The following OSBPL10 variants were observed in gnomAD, a reference collection of about 807,000 sequenced individuals.
The protein encoded by OSBPL10 is oxysterol-binding protein-related protein 10.
In OSBPL10, 49 loss-of-function variants were observed where a neutral mutation model predicts 81.7. The ratio of observed to expected loss-of-function variants is 0.60; its 90% CI spans 0.48 to 0.76. The LOEUF is 0.76. OSBPL10 is among the 30% of genes least tolerant of loss of function. OSBPL10 has a pLI of 0.00. For synonymous variants in OSBPL10, 419 were observed against 383.6 expected (o/e 1.09, Z -1.08); for missense variants, 923 against 987.8 (o/e 0.93, Z 0.88).
chr3:31,816,547 C>T (rs1274294062), intron 4 of OSBPL10, among the ~76,000 whole-genome samples: 2 of 152,162 alleles, frequency 1.3e-5, no homozygotes, highest in African/African-American at 2.4e-5. Flanking sequence ...CTTAGCTGGG[C>T]ACAGTGTCCA....
chr3:31,780,084 C>T (rs1270355347), intron 4 of OSBPL10, among the ~76,000 whole-genome samples: 1 of 151,992 alleles, frequency 6.6e-6, no homozygotes, highest in Non-Finnish European at 1.5e-5. Flanking sequence ...TGAGGTCAGG[C>T]AATCGAGACC....
At chr3:31,898,267 G>A (rs1412566151) in intron 1 of OSBPL10, among the ~76,000 whole-genome samples, 1 of 152,030 alleles carries the variant, frequency 6.6e-6, no homozygotes, top group Non-Finnish European at 1.5e-5. Context: ...ATAGCTAGGA[G>A]TAAATTTCAA....
At chr3:32,067,614 C>A in intron 1 of OSBPL10, among the ~76,000 whole-genome samples, 1 of 152,256 alleles carries the variant, frequency 6.6e-6, no homozygotes, top group East Asian at 1.9e-4. Flanking sequence ...GTTTCTGCCC[C>A]ACCCTAACTG....
intron 1 of OSBPL10, among the ~76,000 whole-genome samples, chr3:31,908,384 T>G (rs915091400): frequency 3.9e-5 from 6 of 152,178 alleles, no homozygotes; most frequent in African/African-American, 1.4e-4. Flanking sequence ...AGGCAGAGAT[T>G]TATGTGAGCA....
intron 8 of OSBPL10, among the ~76,000 whole-genome samples, chr3:31,673,607 G>A (rs1228400845): frequency 6.6e-6 from 1 of 152,116 alleles, no homozygotes; most frequent in Admixed American, 6.5e-5. Context: ...ATAGTCCACT[G>A]CCACCCTCCC....
Position 31,683,650 on chromosome 3 carries a change from G to C in OSBPL10, c.1710C>G (p.Val570=), listed in dbSNP as rs778256978. The C allele has an allele frequency of 6.2e-7, 1 of 1,611,358 alleles. No homozygotes were observed. The highest frequency in any genetic ancestry group is 2.2e-5 in the East Asian group (1 of 44,824). Residue 570 remains valine, a synonymous_variant, in exon 8 of 12, where the codon GTC becomes GTG. Transcript: ENST00000396556. ...ATGGCTTACCTTCCCCTATCATAGA[G>C]ACCCCCACGGACATGCCCATGAACT... ...KSKFMGMSVG[V]SMIGEGVLRL... is the part of the protein sequence containing the mutation.
At chr3:31,767,140 T>G (rs984961261) in intron 4 of OSBPL10, among the ~76,000 whole-genome samples, 2 of 152,200 alleles carry the variant, frequency 1.3e-5, no homozygotes, top group Non-Finnish European at 2.9e-5. Context: ...TTGTGGAAAT[T>G]AAAATTACCA....
chr3:31,998,305 T>G (rs971719455), intron 2 of OSBPL10, among the ~76,000 whole-genome samples: 1 of 152,116 alleles, frequency 6.6e-6, no homozygotes, highest in Non-Finnish European at 1.5e-5. Flanking sequence ...CAAAGTATAC[T>G]CCCCATCAGC....
At chr3:31,907,630 A>C in intron 1 of OSBPL10, among the ~76,000 whole-genome samples, 3 of 143,986 alleles carry the variant, frequency 2.1e-5, no homozygotes, top group African/African-American at 5.6e-5. Context: ...AAAAAAAAAA[A>C]AAAAAAAAAA....
At chr3:31,854,564 TAC>T (rs1052613251) in intron 3 of OSBPL10, among the ~76,000 whole-genome samples, 4 of 152,244 alleles carry the variant, frequency 2.6e-5, no homozygotes, top group African/African-American at 9.6e-5. Flanking sequence ...TATATAATTT[TAC>T]AGTTTTATAT....
At chr3:31,735,754 G>A (rs1346296345) in intron 5 of OSBPL10, among the ~76,000 whole-genome samples, 2 of 152,002 alleles carry the variant, frequency 1.3e-5, no homozygotes, top group African/African-American at 4.8e-5. Flanking sequence ...GAGACCTTCT[G>A]GGACCTCCCT....
chr3:31,860,110 G>C (rs1701022558), intron 3 of OSBPL10, among the ~76,000 whole-genome samples: 1 of 152,118 alleles, frequency 6.6e-6, no homozygotes, highest in African/African-American at 2.4e-5. Context: ...CTTACATGAA[G>C]TCTGAGTCAA....
In OSBPL10 at chr3:32,033,940, TA is replaced by T. The variant is rs573642563; in HGVS notation, n.298+12550del. On this transcript the variant is annotated intron_variant and non_coding_transcript_variant, in intron 2 of 3. Coordinates refer to the OSBPL10 transcript ENST00000479173. Reference sequence around the variant, plus strand: ...AAGAAATATCCAAGACTGGGTAATTTATAAAGGAAGAGGTTTAATTGACTCA... The same window carrying T: ...AAGAAATATCCAAGACTGGGTAATTTTAAAGGAAGAGGTTTAATTGACTCA... Among the ~76,000 whole-genome samples, 354 of 152,248 alleles carry T rather than the reference TA, an allele frequency of 2.3e-3. 5 individuals carry two copies. The highest frequency in any genetic ancestry group is 7.8e-3 in the African/African-American group (325 of 41,550).
chr3:32,000,937 G>A (rs993983486), intron 2 of OSBPL10, among the ~76,000 whole-genome samples: 2 of 152,300 alleles, frequency 1.3e-5, no homozygotes, highest in Non-Finnish European at 2.9e-5. Flanking sequence ...CTGGAATGAA[G>A]AAAAGACTGT....
rs772275259 is a variant in OSBPL10 at position 31,684,106 on chromosome 3, A to T, written c.1254T>A (p.Leu418=). The part of the protein sequence containing the change: ...KLGMDLTKVV[L]PTFILEKRSL... Reference sequence around the variant, plus strand: ...ATCGCTTCTCCAGGATAAAGGTGGGAAGCACCACCTGCATTTGGAAGGACA... The same window carrying T: ...ATCGCTTCTCCAGGATAAAGGTGGGTAGCACCACCTGCATTTGGAAGGACA... Residue 418 remains leucine, a synonymous_variant, in exon 8 of 12, where the codon CTT becomes CTA. Transcript: ENST00000396556. 6.2e-7 allele frequency: 1 copy of T among 1,612,496 alleles called. No individual in the cohort carries two copies. The highest frequency in any genetic ancestry group is 1.1e-5 in the South Asian group (1 of 91,060).
At chr3:32,042,854 A>G (rs529381536) in intron 2 of OSBPL10, among the ~76,000 whole-genome samples, 1 of 152,244 alleles carries the variant, frequency 6.6e-6, no homozygotes, top group African/African-American at 2.4e-5. Flanking sequence ...GGACAAAATC[A>G]GAAACTCCTG....
intron 2 of OSBPL10, among the ~76,000 whole-genome samples, chr3:31,996,562 A>G (rs898649398): frequency 6.6e-6 from 1 of 152,208 alleles, no homozygotes; most frequent in African/African-American, 2.4e-5. Flanking sequence ...TGACTTTCCC[A>G]AAGTTTAAAA....
At position 31,665,829 on chromosome 3, in the gene OSBPL10, CAG is replaced by C. The variant is rs574758014; in HGVS notation, c.2097-1599_2097-1598del. ...GGCTGGGCACCAGGACAGCTGGGGT[CAG>C]GGGGTCCTCTGAAGGGCAGAACCTC... On this transcript the variant is annotated intron_variant, in intron 10 of 11. Coordinates refer to ENST00000396556, the MANE Select transcript of OSBPL10 (RefSeq NM_017784.5). 1.4e-3 allele frequency among the ~76,000 whole-genome samples: 213 copies of C among 152,264 alleles called. 2 individuals carry two copies. Among genetic ancestry groups the C allele is most frequent in the African/African-American group, 4.9e-3 (202 of 41,566 alleles).
intron 4 of OSBPL10, among the ~76,000 whole-genome samples, chr3:31,781,584 C>G (rs1412733124): frequency 1.3e-5 from 2 of 152,194 alleles, no homozygotes; most frequent in Non-Finnish European, 2.9e-5. Flanking sequence ...GCTCCTAGAT[C>G]TGATAAATGA....
Sources: gnomAD v4.1 joint callset for allele counts (sites outside exome capture counted in the v4.1 genomes callset) on GRCh38, gnomAD v4.1.1 for gene constraint, MANE v1.5 for transcripts, NCBI Gene and HGNC (gene_info 2026-07-23, HGNC 2026-07-21) for gene names.